Variants in EXOC6B observed in about 807,000 individuals in gnomAD.
The protein encoded by EXOC6B is exocyst complex component 6B.
In EXOC6B, 54 loss-of-function variants were observed where a neutral mutation model predicts 113.5. That is an observed-to-expected ratio of 0.48 (90% CI 0.38 to 0.60). EXOC6B has a LOEUF of 0.60. Ranked by LOEUF, EXOC6B falls within the 20% of genes least tolerant of loss-of-function variation. The pLI, the probability that EXOC6B is intolerant of heterozygous loss-of-function variation, is 0.00. For missense variants in EXOC6B, 797 were observed against 977.5 expected, an observed-to-expected ratio of 0.82 and a Z score of 2.46; for synonymous variants, 357 against 339.0, an observed-to-expected ratio of 1.05 and a Z score of -0.58.
intron 6 of EXOC6B, among the ~76,000 whole-genome samples, chr2:72,601,053 T>C (rs1670391421): frequency 6.6e-6 from 1 of 151,970 alleles, no homozygotes; most frequent in Non-Finnish European, 1.5e-5. Flanking sequence ...TATGAGAAGA[T>C]TTCTAATTAA....
At chr2:72,663,959 T>C (rs1675204029) in intron 6 of EXOC6B, among the ~76,000 whole-genome samples, 1 of 151,426 alleles carries the variant, frequency 6.6e-6, no homozygotes, top group African/African-American at 2.4e-5. Context: ...GGTGAAGGGG[T>C]ATTTGAGAAC....
intron 20 of EXOC6B, among the ~76,000 whole-genome samples, chr2:72,281,403 T>C (rs776788907): frequency 2.0e-5 from 3 of 151,926 alleles, no homozygotes; most frequent in Non-Finnish European, 2.9e-5. Flanking sequence ...GTGAGTGAAA[T>C]CAGAAATAGA....
At chr2:72,671,595 G>A (rs1239863704) in intron 6 of EXOC6B, among the ~76,000 whole-genome samples, 1 of 152,002 alleles carries the variant, frequency 6.6e-6, no homozygotes, top group South Asian at 2.1e-4. Flanking sequence ...CTACTCGGGA[G>A]CCTGAGGCAG....
rs56915816 is a variant in EXOC6B, at chr2:72,337,007, C to CAA, written c.2123-1989_2123-1988dup. On this transcript the variant is annotated intron_variant, in intron 19 of 21. Transcript: ENST00000272427. ...GGGCAACAAGAACGAAACTCAGTCT[C>CAA]AAAAAAAAAAAAAAAAGTAAAATTC... is the stretch of plus-strand genomic sequence containing the variant. Among the ~76,000 whole-genome samples the CAA allele has an allele frequency of 5.8e-3, 528 of 90,308 alleles. 8 individuals carry two copies. The highest frequency in any genetic ancestry group is 0.016 in the African/African-American group (502 of 31,696). The allele number at this position is 90,308 out of a possible 152,430, so 59.2% of individuals were successfully genotyped here.
At chr2:72,628,159 C>T (rs964234476) in intron 6 of EXOC6B, among the ~76,000 whole-genome samples, 1 of 151,966 alleles carries the variant, frequency 6.6e-6, no homozygotes, top group African/African-American at 2.4e-5. Flanking sequence ...GGATCTTGCT[C>T]TGTCCCCCAG....
chr2:72,203,242 A>G (rs1679603385), intron 20 of EXOC6B, among the ~76,000 whole-genome samples: 1 of 152,164 alleles, frequency 6.6e-6, no homozygotes, highest in African/African-American at 2.4e-5. Flanking sequence ...GAACCTTAAG[A>G]AGTCCTTTTC....
intron 18 of EXOC6B, among the ~76,000 whole-genome samples, chr2:72,404,168 G>A (rs973849230): frequency 2.6e-5 from 4 of 152,144 alleles, no homozygotes; most frequent in Non-Finnish European, 2.9e-5. Flanking sequence ...GGGGAGGGGC[G>A]CCCACCATTG....
intron 1 of EXOC6B, among the ~76,000 whole-genome samples, chr2:72,779,175 G>A (rs1218543554): frequency 1.3e-5 from 2 of 152,054 alleles, no homozygotes; most frequent in South Asian, 2.1e-4. Context: ...CTGAATCACA[G>A]GCAAGATAAA....
chr2:72,706,352 T>C (rs897745919), intron 6 of EXOC6B, among the ~76,000 whole-genome samples: 1 of 152,154 alleles, frequency 6.6e-6, no homozygotes, highest in Non-Finnish European at 1.5e-5. Context: ...AGGAATGTAA[T>C]TGTCTGGTTG....
intron 19 of EXOC6B, among the ~76,000 whole-genome samples, chr2:72,364,837 G>A (rs1440369265): frequency 6.6e-6 from 1 of 152,122 alleles, no homozygotes; most frequent in Admixed American, 6.6e-5. Flanking sequence ...ACCAGACTTT[G>A]TTATTTAACC....
chr2:72,366,676 CAAAA>C (rs1324248021), intron 19 of EXOC6B, among the ~76,000 whole-genome samples: 1 of 150,948 alleles, frequency 6.6e-6, no homozygotes, highest in Non-Finnish European at 1.5e-5. Flanking sequence ...AAGAAAATCT[CAAAA>C]AAGTAGAGAA....
At position 72,412,863 on chromosome 2, in the gene EXOC6B, A is replaced by G. The variant is rs142605739; in HGVS notation, c.1981-32993T>C. On this transcript the variant is annotated intron_variant, in intron 18 of 21. Transcript: ENST00000272427. ...TTGATCCTGGCCTGTTCTAACCAGCATAAAGTAGAAGAAGCTTTTGTTCTA... is the reference window on the plus strand; with the variant it reads ...TTGATCCTGGCCTGTTCTAACCAGCGTAAAGTAGAAGAAGCTTTTGTTCTA... 6.2e-4 allele frequency among the ~76,000 whole-genome samples: 95 copies of G among 152,272 alleles called. No individual in the cohort carries two copies. The East Asian group carries it at 7.9e-3, about 13-fold the overall frequency.
chr2:72,200,020 C>T (rs1463165051), intron 20 of EXOC6B, among the ~76,000 whole-genome samples: 1 of 152,146 alleles, frequency 6.6e-6, no homozygotes, highest in East Asian at 1.9e-4. Flanking sequence ...CCTCAGCCTC[C>T]CGAGTAGCTG....
intron 1 of EXOC6B, among the ~76,000 whole-genome samples, chr2:72,785,462 C>T (rs1335619408): frequency 2.0e-5 from 3 of 152,258 alleles, no homozygotes; most frequent in Non-Finnish European, 4.4e-5. Flanking sequence ...CTGCAGCAAA[C>T]TTTTGCCTGG....
At chr2:72,724,667 T>C (rs1449453574) in intron 5 of EXOC6B, among the ~76,000 whole-genome samples, 1 of 151,710 alleles carries the variant, frequency 6.6e-6, no homozygotes, top group Non-Finnish European at 1.5e-5. Flanking sequence ...AAGGAGTACA[T>C]AAAAACAGCA....
intron 1 of EXOC6B, among the ~76,000 whole-genome samples, chr2:72,808,338 G>C (rs1028477961): frequency 6.6e-6 from 1 of 152,178 alleles, no homozygotes; most frequent in African/African-American, 2.4e-5. Flanking sequence ...GATGTAAAGA[G>C]ATATAAAGAA....
intron 7 of EXOC6B, among the ~76,000 whole-genome samples, chr2:72,572,724 T>C (rs1258510653): frequency 6.6e-6 from 1 of 152,182 alleles, no homozygotes; most frequent in Non-Finnish European, 1.5e-5. Context: ...GAAGAATTTA[T>C]TCACACCATG....
Position 72,180,644 on chromosome 2 carries a change from G to A in EXOC6B, c.2310-1183C>T, listed in dbSNP as rs928451860. 2.9e-4 allele frequency among the ~76,000 whole-genome samples: 44 copies of A among 152,278 alleles called. 1 individual carries two copies. Among genetic ancestry groups the A allele is most frequent in the South Asian group, 1.9e-3 (9 of 4,828 alleles). On this transcript the variant is annotated intron_variant, in intron 21 of 21. Transcript: ENST00000272427. ...GAGAGGAGGGAAGGAACATGGCACC[G>A]GGCTATAAATTGCCCCCAGGCTATT...
chr2:72,359,561 AC>A lies in EXOC6B; in HGVS notation c.2122+20167del, dbSNP rs774744947. Among the ~76,000 whole-genome samples, 6 of 152,326 alleles carry A rather than the reference AC, an allele frequency of 3.9e-5. No individual in the cohort carries two copies. In the East Asian group the frequency reaches 9.6e-4, roughly 24 times the overall value. On this transcript the variant is annotated intron_variant, in intron 19 of 21. Transcript: ENST00000272427. ...CAAGCATTTTGTTATAGCAGGACAA[AC>A]GGACTAAGACAGTTGCAAATAAACA...
Sources: gnomAD v4.1 joint callset for allele counts (sites outside exome capture counted in the v4.1 genomes callset) on GRCh38, gnomAD v4.1.1 for gene constraint, MANE v1.5 for transcripts, NCBI Gene and HGNC (gene_info 2026-07-23, HGNC 2026-07-21) for gene names.